The following DNAAF11 variants were observed in gnomAD, a reference collection of about 807,000 sequenced individuals.
DNAAF11 encodes dynein axonemal assembly factor 11.
In DNAAF11, 45 loss-of-function variants were observed where a neutral mutation model predicts 60.8. The observed-to-expected ratio is 0.74, with a 90% CI of 0.58 to 0.95. The LOEUF (loss-of-function observed/expected upper bound fraction) is 0.95. DNAAF11 is among the 40% of genes least tolerant of loss of function. DNAAF11 has a pLI of 0.00. For synonymous variants in DNAAF11, 191 were observed against 183.5 expected (o/e 1.04, Z -0.33); for missense variants, 546 against 546.2 (o/e 1.00, Z 0.00).
intron 11 of DNAAF11, 89 bp from the exon 12 acceptor site, chr8:132,572,569 A>C (rs185510149): frequency 8.6e-6 from 8 of 931,232 alleles, no homozygotes; most frequent in Non-Finnish European, 1.1e-5. Flanking sequence ...TTTATTCAGC[A>C]AACGTTGGCA....
At chr8:132,575,495 G>A (rs988583097) in intron 11 of DNAAF11, among the ~76,000 whole-genome samples, 3 of 152,160 alleles carry the variant, frequency 2.0e-5, no homozygotes, top group Admixed American at 6.5e-5. Flanking sequence ...AAGACATGGT[G>A]TATGCCCACA....
chr8:132,570,794 C>T lies in DNAAF11; in HGVS notation c.*1512G>A, dbSNP rs1397788898. Among the ~76,000 whole-genome samples the T allele has an allele frequency of 6.6e-6, 1 of 152,160 alleles. No individual in the cohort carries two copies. Among genetic ancestry groups the T allele is most frequent in the African/African-American group, 2.4e-5 (1 of 41,452 alleles). On this transcript the variant is annotated 3_prime_UTR_variant, in exon 12 of 12. Coordinates refer to ENST00000620350, the MANE Select transcript of DNAAF11 (RefSeq NM_012472.6). The stretch of plus-strand genomic sequence containing the variant: ...CTGCTGACGAAGGCTGGCTCCAAGC[C>T]CACCCACCAGGATCTTGGCCACGGA...
chr8:132,685,020 T>TTTAC, the DNAAF11 span: 1 of 92,572 alleles, frequency 1.1e-5, no homozygotes, highest in African/African-American at 9.6e-5. Flanking sequence ...GTTCAGAGTT[T>TTTAC]TTACTTAGTT....
At chr8:132,650,457 T>C (rs889181253) in intron 3 of DNAAF11, among the ~76,000 whole-genome samples, 1 of 152,144 alleles carries the variant, frequency 6.6e-6, no homozygotes, top group Admixed American at 6.5e-5. Context: ...ACATGGCACA[T>C]GTATACATAT....
chr8:132,693,809 A>G, the DNAAF11 span, among the ~76,000 whole-genome samples: 1 of 152,182 alleles, frequency 6.6e-6, no homozygotes, highest in East Asian at 1.9e-4. Flanking sequence ...TGATGAGGAG[A>G]GTGCTCAAAC....
chr8:132,659,852 C>T (rs1015697150), intron 2 of DNAAF11, among the ~76,000 whole-genome samples: 2 of 152,252 alleles, frequency 1.3e-5, no homozygotes, highest in East Asian at 3.9e-4. Context: ...ATCCTGAGCA[C>T]TGTAGGATGG....
At chr8:132,583,633 C>T in intron 11 of DNAAF11, 61 bp downstream of exon 11, 1 of 1,339,834 alleles carries the variant, frequency 7.5e-7, no homozygotes, top group Non-Finnish European at 1.1e-6. Flanking sequence ...GCATTCCAAC[C>T]AACAAATGAC....
intron 8 of DNAAF11, 103 bp downstream of exon 8, chr8:132,614,935 G>T: frequency 3.1e-6 from 2 of 648,132 alleles, no homozygotes; most frequent in South Asian, 2.2e-5. Flanking sequence ...TTTAACTATA[G>T]GTCTAAGTCA....
At chr8:132,611,261 T>C (rs1818634945) in intron 9 of DNAAF11, 33 bp downstream of exon 9, 1 of 1,501,574 alleles carries the variant, frequency 6.7e-7, no homozygotes, top group Non-Finnish European at 9.2e-7. Flanking sequence ...GCTTAGCTTT[T>C]GAAATTGTAA....
the DNAAF11 span, among the ~76,000 whole-genome samples, chr8:132,688,876 T>C: frequency 6.6e-6 from 1 of 152,202 alleles, no homozygotes; most frequent in Non-Finnish European, 1.5e-5. Context: ...ATACTCAGAA[T>C]CACTTACGTT....
intron 3 of DNAAF11, among the ~76,000 whole-genome samples, chr8:132,656,324 G>A (rs1020712201): frequency 1.3e-5 from 2 of 152,116 alleles, no homozygotes; most frequent in African/African-American, 4.8e-5. Context: ...GAGGAGGCTG[G>A]GTTAGGAAAG....
At position 132,638,040 on chromosome 8, in the gene DNAAF11, G is replaced by A; in HGVS notation, c.324C>T (p.Asn108=). ...CCTTCAGATGGATATTGTGCTGCAA[G>A]TTTTTAATGCTGCTCAGCTCTCCAA... is the stretch of plus-strand genomic sequence containing the variant. ...NFIGELSSIK[N]LQHNIHLKEL... is the part of the protein sequence containing the mutation. The change falls in exon 4 of 12, where the codon AAC becomes AAT. Residue 108 remains asparagine, a synonymous_variant. Transcript: ENST00000620350. 3 of 1,614,148 alleles carry A rather than the reference G, an allele frequency of 1.9e-6. No individual in the cohort carries two copies. The highest frequency in any genetic ancestry group is 2.5e-6 in the Non-Finnish European group (3 of 1,179,986).
chr8:132,582,292 T>C (rs776859309), intron 11 of DNAAF11, among the ~76,000 whole-genome samples: 11 of 152,154 alleles, frequency 7.2e-5, no homozygotes, highest in Admixed American at 3.3e-4. Flanking sequence ...GTAATCAAAA[T>C]GAAAAAGAAA....
intron 5 of DNAAF11, among the ~76,000 whole-genome samples, chr8:132,628,494 C>CAA: frequency 6.6e-6 from 1 of 152,112 alleles, no homozygotes; most frequent in Non-Finnish European, 1.5e-5. Flanking sequence ...GATCCCTCTG[C>CAA]TTTAGGCTGC....
intron 5 of DNAAF11, among the ~76,000 whole-genome samples, chr8:132,630,796 C>T (rs1450092627): frequency 6.6e-6 from 1 of 152,022 alleles, no homozygotes; most frequent in African/African-American, 2.4e-5. Flanking sequence ...CTAGTAACTA[C>T]AGAAATGCAA....
intron 1 of DNAAF11, among the ~76,000 whole-genome samples, chr8:132,671,453 T>TC (rs1825181085): frequency 6.6e-6 from 1 of 152,106 alleles, no homozygotes; most frequent in African/African-American, 2.4e-5. Context: ...ATACTCATTC[T>TC]CCCCAAATCG....
At chr8:132,586,524 G>A (rs1006518211) in intron 10 of DNAAF11, among the ~76,000 whole-genome samples, 5 of 152,138 alleles carry the variant, frequency 3.3e-5, no homozygotes, top group African/African-American at 7.2e-5. Context: ...AGGTGTGAAC[G>A]ACCTTGTCCA....
intron 5 of DNAAF11, among the ~76,000 whole-genome samples, chr8:132,628,152 G>A (rs1303798054): frequency 2.0e-5 from 3 of 152,090 alleles, no homozygotes; most frequent in African/African-American, 4.8e-5. Context: ...GGTGGCTCAC[G>A]CCTGTAATCC....
At chr8:132,618,530 AT>A (rs1462909597) in intron 7 of DNAAF11, among the ~76,000 whole-genome samples, 1 of 110,222 alleles carries the variant, frequency 9.1e-6, no homozygotes, top group Non-Finnish European at 1.8e-5. Context: ...ATGGGAGAAA[AT>A]TTTCGCAACC....
Sources: gnomAD v4.1 joint callset for allele counts (sites outside exome capture counted in the v4.1 genomes callset) on GRCh38, gnomAD v4.1.1 for gene constraint, MANE v1.5 for transcripts, NCBI Gene and HGNC (gene_info 2026-07-23, HGNC 2026-07-21) for gene names.